GRK5: variants seen among roughly 807,000 people sequenced by gnomAD.
The protein encoded by GRK5 is g protein-coupled receptor kinase GRK5.
A neutral mutation model predicts 78.4 loss-of-function variants in GRK5; 40 were observed. That is an observed-to-expected ratio of 0.51 (90% CI 0.40 to 0.66). The LOEUF is 0.66. Among genes scored for constraint, GRK5 ranks in the 30% least tolerant of loss-of-function variants. The pLI, the probability that GRK5 is intolerant of heterozygous loss-of-function variation, is 0.00. For missense variants in GRK5, 598 were observed against 759.9 expected, an observed-to-expected ratio of 0.79 and a Z score of 2.50; for synonymous variants, 289 against 296.8, an observed-to-expected ratio of 0.97 and a Z score of 0.27.
chr10:119,292,146 C>A (rs74508893), intron 1 of GRK5, among the ~76,000 whole-genome samples: 165 of 12,500 alleles, frequency 0.013, 9 homozygotes, highest in East Asian at 0.055. Flanking sequence ...CCTTCTCCTC[C>A]TCTTCCTCCT....
chr10:119,230,973 G>A (rs541124224), intron 1 of GRK5, among the ~76,000 whole-genome samples: 1 of 152,184 alleles, frequency 6.6e-6, no homozygotes, highest in East Asian at 1.9e-4. Context: ...TATTGTGGGG[G>A]CTTCCAGGGT....
In GRK5 at chr10:119,457,709, CA is replaced by C. The variant is rs1180040103; in HGVS notation, c.*2644del. The C allele has an allele frequency of 8.1e-6, 1 of 123,024 alleles. No homozygotes were observed. Among genetic ancestry groups the C allele is most frequent in the Non-Finnish European group, 1.6e-5 (1 of 60,996 alleles). 7.6% of individuals were successfully genotyped at this position (123,024 alleles called of 1,614,324 possible). On this transcript the variant is annotated 3_prime_UTR_variant, in exon 16 of 16. Coordinates refer to ENST00000392870, the MANE Select transcript of GRK5 (RefSeq NM_005308.3). The stretch of plus-strand genomic sequence containing the variant: ...TTTTTTTTTTTTTTTTTTTTTGAGA[CA>C]AGATCTCATTGTGTTCCCCAGGCTG...
In GRK5 at chr10:119,406,039, C is replaced by G. The variant is rs77515551; in HGVS notation, c.339+9267C>G. On this transcript the variant is annotated intron_variant, in intron 4 of 15. Transcript: ENST00000392870. Reference sequence around the variant, plus strand: ...AGGTTCTGAGCCTGAAGGCTTTGTCCTTGTCATTTTAAAGGAGATTAGTGA... The same window carrying G: ...AGGTTCTGAGCCTGAAGGCTTTGTCGTTGTCATTTTAAAGGAGATTAGTGA... Among the ~76,000 whole-genome samples the G allele has an allele frequency of 2.5e-3, 383 of 152,284 alleles. 3 individuals are homozygous for G. Among genetic ancestry groups the G allele is most frequent in the African/African-American group, 9.1e-3 (377 of 41,560 alleles).
At chr10:119,321,928 A>G (rs1255052592) in intron 1 of GRK5, among the ~76,000 whole-genome samples, 1 of 152,098 alleles carries the variant, frequency 6.6e-6, no homozygotes, top group African/African-American at 2.4e-5. Flanking sequence ...CTTTTCCTAA[A>G]TGTTGGTAAA....
intron 4 of GRK5, among the ~76,000 whole-genome samples, chr10:119,407,622 G>C (rs1025071048): frequency 6.6e-6 from 1 of 152,262 alleles, no homozygotes; most frequent in Non-Finnish European, 1.5e-5. Flanking sequence ...ATGCTTTATA[G>C]CTTTAGTGCA....
chr10:119,275,617 A>T (rs879368943), intron 1 of GRK5, among the ~76,000 whole-genome samples: 23 of 117,412 alleles, frequency 2.0e-4, no homozygotes, highest in South Asian at 8.4e-4. Flanking sequence ...TCTCTCGCAC[A>T]CACACACACA....
chr10:119,368,737 C>G (rs951212547), intron 2 of GRK5, among the ~76,000 whole-genome samples: 1 of 152,242 alleles, frequency 6.6e-6, no homozygotes, highest in African/African-American at 2.4e-5. Context: ...CGCCTCACTT[C>G]TGGGGGCTCT....
chr10:119,441,391 G>C (rs1219802321), intron 10 of GRK5, among the ~76,000 whole-genome samples: 2 of 152,210 alleles, frequency 1.3e-5, no homozygotes, highest in African/African-American at 4.8e-5. Flanking sequence ...CTGCCCAGGT[G>C]GGCTGTGGGA....
chr10:119,281,917 G>A (rs992600352), intron 1 of GRK5, among the ~76,000 whole-genome samples: 4 of 152,176 alleles, frequency 2.6e-5, no homozygotes, highest in African/African-American at 9.7e-5. Context: ...AACAGCCTGA[G>A]TGGCCTGTCA....
chr10:119,324,101 C>T lies in GRK5; in HGVS notation c.53-2415C>T, dbSNP rs187047119. On this transcript the variant is annotated intron_variant, in intron 1 of 15. Coordinates refer to ENST00000392870, the MANE Select transcript of GRK5 (RefSeq NM_005308.3). ...GCTCCTGCTCCCGTCATGGCTGCCG[C>T]GTCACTCCTGAAGTCTGACACCAGC... Among the ~76,000 whole-genome samples the T allele has an allele frequency of 5.5e-4, 84 of 152,344 alleles. No homozygotes were observed. In the East Asian group the frequency reaches 0.011, roughly 20 times the overall value.
chr10:119,309,118 G>A (rs760692974), intron 1 of GRK5, among the ~76,000 whole-genome samples: 2 of 152,202 alleles, frequency 1.3e-5, no homozygotes, highest in African/African-American at 4.8e-5. Context: ...GTGAGGGACC[G>A]TGTGGTCTCT....
intron 4 of GRK5, among the ~76,000 whole-genome samples, chr10:119,421,459 G>GAGGCC (rs1852568025): frequency 6.6e-6 from 1 of 152,242 alleles, no homozygotes; most frequent in Non-Finnish European, 1.5e-5. Flanking sequence ...GCCAAGGTCA[G>GAGGCC]AGGCCGGGCC....
intron 1 of GRK5, among the ~76,000 whole-genome samples, chr10:119,299,249 C>T (rs766559770): frequency 1.1e-3 from 162 of 152,238 alleles, no homozygotes; most frequent in Non-Finnish European, 1.9e-3. Flanking sequence ...TTGAGACCAG[C>T]CTGGCCAACA....
chr10:119,337,924 G>A (rs1850920310), intron 2 of GRK5, among the ~76,000 whole-genome samples: 2 of 152,224 alleles, frequency 1.3e-5, no homozygotes, highest in Admixed American at 1.3e-4. Context: ...ACCTGGCCAA[G>A]TTTCCCCTTT....
chr10:119,304,267 GCTAA>G (rs1288462866), intron 1 of GRK5, among the ~76,000 whole-genome samples: 47 of 146,614 alleles, frequency 3.2e-4, no homozygotes, highest in African/African-American at 1.1e-3. Flanking sequence ...ACAGCAGTAT[GCTAA>G]CTGTGTGAGC....
intron 4 of GRK5, among the ~76,000 whole-genome samples, chr10:119,420,361 A>C (rs1227517667): frequency 3.3e-5 from 5 of 151,516 alleles, no homozygotes; most frequent in South Asian, 2.1e-4. Flanking sequence ...AACAAAAAAA[A>C]AAAACAAGAA....
At chr10:119,428,341 G>C (rs1852744326) in intron 6 of GRK5, among the ~76,000 whole-genome samples, 1 of 152,264 alleles carries the variant, frequency 6.6e-6, no homozygotes, top group Non-Finnish European at 1.5e-5. Context: ...CTGAGCTTGT[G>C]TGAGGATTAT....
At chr10:119,294,064 A>T (rs774297033) in intron 1 of GRK5, among the ~76,000 whole-genome samples, 81 of 152,100 alleles carry the variant, frequency 5.3e-4, no homozygotes, top group Non-Finnish European at 9.9e-4. Context: ...CAGCTTCTCC[A>T]CTTACTTTCA....
At chr10:119,270,321 C>T (rs995457253) in intron 1 of GRK5, among the ~76,000 whole-genome samples, 2 of 152,230 alleles carry the variant, frequency 1.3e-5, no homozygotes, top group Non-Finnish European at 2.9e-5. Flanking sequence ...TGAAAATACT[C>T]AGAAATAAAA....
Sources: gnomAD v4.1 joint callset for allele counts (sites outside exome capture counted in the v4.1 genomes callset) on GRCh38, gnomAD v4.1.1 for gene constraint, MANE v1.5 for transcripts, NCBI Gene and HGNC (gene_info 2026-07-23, HGNC 2026-07-21) for gene names.